The following DOCK11 variants were observed in gnomAD, a reference collection of about 807,000 sequenced individuals.
The protein encoded by DOCK11 is dedicator of cytokinesis 11.
A neutral mutation model predicts 169.1 loss-of-function variants in DOCK11; 70 were observed. The observed-to-expected ratio is 0.41, with a 90% CI of 0.34 to 0.51. The LOEUF is 0.51. Among genes scored for constraint, DOCK11 ranks in the 20% least tolerant of loss-of-function variants. The probability of loss-of-function intolerance (pLI) is 0.10; values close to 1 mark genes in which losing one functional copy is unlikely to be tolerated. For synonymous variants in DOCK11, 529 were observed against 541.3 expected (o/e 0.98, Z 0.32); for missense variants, 1,166 against 1,538.8 (o/e 0.76, Z 4.05).
intron 4 of DOCK11, among the ~76,000 whole-genome samples, chrX:118,544,827 ATT>A (rs746896166): frequency 9.6e-5 from 9 of 93,331 alleles, no homozygotes; most frequent in Admixed American, 2.3e-4. Flanking sequence ...CCCCCAGTTA[ATT>A]TTTTTTTTTT....
rs367546685 is a variant in DOCK11 at position 118,638,063 on chromosome X, A to G, written c.3954-17A>G. 9.3e-6 allele frequency: 11 copies of G among 1,180,102 alleles called. No individual in the cohort carries two copies. The highest frequency in any genetic ancestry group is 1.3e-5 in the Non-Finnish European group (11 of 868,707). On this transcript the variant is annotated splice_polypyrimidine_tract_variant and intron_variant, in intron 36 of 52. Transcript: ENST00000276202. ...GATGTTAATATATTACTAACATGCT[A>G]TTGTTTTTCTTTCTAGAGTATGCTT...
intron 1 of DOCK11, among the ~76,000 whole-genome samples, chrX:118,517,375 C>A (rs2057696989): frequency 1.9e-5 from 2 of 104,254 alleles, no homozygotes; most frequent in African/African-American, 3.5e-5. Context: ...AGAGTGAGAC[C>A]CTGTTTTAAA....
intron 28 of DOCK11, among the ~76,000 whole-genome samples, chrX:118,611,194 G>T (rs1272963822): frequency 8.9e-6 from 1 of 112,040 alleles, no homozygotes. Context: ...GGGAAGGAAG[G>T]TTCCCTTTTC....
chrX:118,639,167 A>T (rs1305509158), intron 37 of DOCK11, among the ~76,000 whole-genome samples: 1 of 111,809 alleles, frequency 8.9e-6, no homozygotes, highest in African/African-American at 3.2e-5. Flanking sequence ...TGAAAAGATT[A>T]AATCTTATTG....
intron 21 of DOCK11, 81 bp downstream of exon 21, chrX:118,597,633 A>G: frequency 3.6e-6 from 4 of 1,121,791 alleles, no homozygotes; most frequent in Non-Finnish European, 4.8e-6. Flanking sequence ...ATTGTTTAGT[A>G]CAATGTTACT....
chrX:118,523,084 A>G (rs965445890), intron 1 of DOCK11, among the ~76,000 whole-genome samples: 1 of 112,588 alleles, frequency 8.9e-6, no homozygotes, highest in African/African-American at 3.2e-5. Context: ...TTCGCATAGT[A>G]CCTGGTGCTT....
At position 118,578,498 on chromosome X, in the gene DOCK11, A is replaced by G. The variant is rs995459999; in HGVS notation, c.1390-27A>G. ...CCATATGCACAAGATTACATAAGAA[A>G]GTCTAACGGAAGTACTTTTTTCCCA... On this transcript the variant is annotated intron_variant, in intron 12 of 52. Transcript: ENST00000276202. The G allele has an allele frequency of 2.5e-6, 3 of 1,200,020 alleles. No individual in the cohort carries two copies. The African/African-American group carries it at 5.3e-5, about 21-fold the overall frequency.
intron 1 of DOCK11, among the ~76,000 whole-genome samples, chrX:118,496,762 C>T (rs1378868278): frequency 9.0e-6 from 1 of 111,453 alleles, no homozygotes; most frequent in African/African-American, 3.3e-5. Context: ...GAGTGTGTCC[C>T]TCGGGGACAC....
chrX:118,685,290 A>G (rs1192430769), intron 52 of DOCK11, among the ~76,000 whole-genome samples: 5 of 112,084 alleles, frequency 4.5e-5, no homozygotes, highest in Admixed American at 9.5e-5. Flanking sequence ...AGGTATCTGC[A>G]TGTTTCAAAA....
chrX:118,616,218 G>A (rs2014808846), intron 30 of DOCK11: 1 of 958,618 alleles, frequency 1.0e-6, no homozygotes, highest in Non-Finnish European at 1.3e-6. Flanking sequence ...TTTCATTTGC[G>A]GTGGACCGTT....
chrX:118,504,568 A>T lies in DOCK11; in HGVS notation c.102+8495A>T, dbSNP rs750910690. 2.3e-4 allele frequency among the ~76,000 whole-genome samples: 26 copies of T among 112,374 alleles called. No homozygotes were observed. In the Admixed American group the frequency reaches 2.3e-3, roughly 10 times the overall value. On this transcript the variant is annotated intron_variant, in intron 1 of 52. Coordinates refer to ENST00000276202, the MANE Select transcript of DOCK11 (RefSeq NM_144658.4). ...TCATGTTGAAAGACGATTAGTTTTT[A>T]AAAATAATTTGTTTATCATGGAAGG...
chrX:118,505,499 GA>G (rs1259935736), intron 1 of DOCK11, among the ~76,000 whole-genome samples: 1 of 112,256 alleles, frequency 8.9e-6, no homozygotes, highest in Admixed American at 9.4e-5. Flanking sequence ...AAGTTAACTG[GA>G]AGAGGGGAAG....
Position 118,503,472 on chromosome X carries a change from G to T in DOCK11, c.102+7399G>T, listed in dbSNP as rs756386014. ...GTGATTCTTAAAAGGGAAGGAGAAG[G>T]GGGAGGAAGAAAGAGAGGAAGAGCG... On this transcript the variant is annotated intron_variant, in intron 1 of 52. Coordinates refer to ENST00000276202, the MANE Select transcript of DOCK11 (RefSeq NM_144658.4). 5.3e-5 allele frequency among the ~76,000 whole-genome samples: 6 copies of T among 112,201 alleles called. No individual in the cohort carries two copies. In the South Asian group the frequency reaches 2.2e-3, roughly 41 times the overall value.
rs757163537 is a variant in DOCK11 at position 118,628,146 on chromosome X, CT to C, written c.3665-7del. 536 of 1,012,907 alleles carry C rather than the reference CT, an allele frequency of 5.3e-4. No homozygotes were observed. The highest frequency in any genetic ancestry group is 1.1e-3 in the Admixed American group (42 of 38,152). 83.5% of individuals were successfully genotyped at this position (1,012,907 alleles called of 1,213,427 possible). ...CCCCCTCTTGCCAACAAGGGCTTGA[CT>C]TTTTTTTTTCCCCAGCTTATGGGTC... On this transcript the variant is annotated splice_polypyrimidine_tract_variant and intron_variant, in intron 33 of 52. Transcript: ENST00000276202.
Position 118,641,245 on chromosome X carries a change from A to G in DOCK11, c.4200A>G (p.Thr1400=), listed in dbSNP as rs2015526072. The change falls in exon 39 of 53, where the codon ACA becomes ACG. Residue 1400 remains threonine, a synonymous_variant. Transcript: ENST00000276202. ...ACCAGGCACTTCTTGAAGGCAATAC[A>G]GCTACTGAAGTTTCCCTAACAGTAC... is the stretch of plus-strand genomic sequence containing the variant. ...IFHQALLEGN[T]ATEVSLTVLD... 21 of 1,210,758 alleles carry G rather than the reference A, an allele frequency of 1.7e-5. No individual in the cohort carries two copies. The East Asian group carries it at 6.2e-4, about 36-fold the overall frequency.
rs781319686 is a variant in DOCK11 at position 118,662,699 on chromosome X, C to T, written c.4983C>T (p.Asn1661=). The T allele has an allele frequency of 2.0e-5, 23 of 1,167,078 alleles. No individual in the cohort carries two copies. Among genetic ancestry groups the T allele is most frequent in the Non-Finnish European group, 2.3e-5 (20 of 858,399 alleles). The part of the protein sequence containing the change: ...EFLHRKKLFP[N]GCSAFKKITP... ...TTATTCACACAGAATTATTTCCTAACGGATGTTCAGCGTTCAAGAAAATTA... is the reference window on the plus strand; with the variant it reads ...TTATTCACACAGAATTATTTCCTAATGGATGTTCAGCGTTCAAGAAAATTA... The change falls in exon 45 of 53, where the codon AAC becomes AAT. Residue 1661 remains asparagine (N), a synonymous_variant. Coordinates refer to ENST00000276202, the MANE Select transcript of DOCK11 (RefSeq NM_144658.4).
chrX:118,581,074 T>C, intron 14 of DOCK11, among the ~76,000 whole-genome samples: 1 of 112,168 alleles, frequency 8.9e-6, no homozygotes, highest in Middle Eastern at 4.6e-3. Flanking sequence ...TTTCTTGTTT[T>C]TCTCCCTTTT....
intron 50 of DOCK11, 87 bp from the exon 51 acceptor site, chrX:118,681,607 G>T: frequency 5.8e-6 from 4 of 686,463 alleles, no homozygotes; most frequent in South Asian, 4.2e-5. Flanking sequence ...TATATTTTGG[G>T]ATTTTTAATA....
chrX:118,573,785 T>C (rs2013356174), intron 11 of DOCK11, 21 bp from the exon 12 acceptor site: 2 of 1,180,064 alleles, frequency 1.7e-6, no homozygotes, highest in Non-Finnish European at 2.3e-6. Context: ...AGTTTTAAAA[T>C]GTAACTGTTT....
Sources: allele counts gnomAD v4.1 joint callset (sites outside exome capture counted in the v4.1 genomes callset), GRCh38; gene constraint gnomAD v4.1.1; transcripts MANE v1.5; gene names NCBI Gene and HGNC (gene_info 2026-07-23, HGNC 2026-07-21).